CDKAL1: variants seen among roughly 807,000 people sequenced by gnomAD.
CDKAL1 encodes CDKAL1 threonylcarbamoyladenosine tRNA methylthiotransferase.
A neutral mutation model predicts 68.2 loss-of-function variants in CDKAL1; 32 were observed. The observed-to-expected ratio is 0.47, with a 90% CI of 0.35 to 0.63. The LOEUF is 0.63. Ranked by LOEUF, CDKAL1 falls within the 30% of genes least tolerant of loss-of-function variation. The probability of loss-of-function intolerance (pLI) is 0.00; values close to 1 mark genes in which losing one functional copy is unlikely to be tolerated. For missense variants in CDKAL1, 606 were observed against 696.7 expected, an observed-to-expected ratio of 0.87 and a Z score of 1.47; for synonymous variants, 234 against 244.3, an observed-to-expected ratio of 0.96 and a Z score of 0.39.
At chr6:20,975,875 G>A (rs1489791166) in intron 10 of CDKAL1, among the ~76,000 whole-genome samples, 1 of 152,074 alleles carries the variant, frequency 6.6e-6, no homozygotes, top group Non-Finnish European at 1.5e-5. Context: ...CTCTTACTAG[G>A]TTATTATCAC....
At chr6:21,168,907 G>A (rs1039568740) in intron 13 of CDKAL1, among the ~76,000 whole-genome samples, 5 of 150,814 alleles carry the variant, frequency 3.3e-5, no homozygotes, top group East Asian at 1.9e-4. Flanking sequence ...ATCCTTCTTC[G>A]CCAAAACATA....
At chr6:21,215,599 G>A (rs1049468179) in intron 15 of CDKAL1, among the ~76,000 whole-genome samples, 3 of 152,172 alleles carry the variant, frequency 2.0e-5, no homozygotes, top group Non-Finnish European at 1.5e-5. Flanking sequence ...TAGGTAGTGA[G>A]TTGTAGAGCT....
At chr6:20,872,572 A>G (rs72832387) in intron 9 of CDKAL1, among the ~76,000 whole-genome samples, 30,509 of 152,162 alleles carry the variant, frequency 0.2, 3,197 homozygotes, top group East Asian at 0.34. Context: ...GGGCATGCAT[A>G]TTTCAGTCAG....
intron 5 of CDKAL1, among the ~76,000 whole-genome samples, chr6:20,721,647 C>T (rs184112705): frequency 6.6e-5 from 10 of 151,394 alleles, no homozygotes; most frequent in Non-Finnish European, 1.0e-4. Context: ...ATACTATTTT[C>T]CATAGTGTCT....
intron 5 of CDKAL1, among the ~76,000 whole-genome samples, chr6:20,699,309 C>A (rs1771240762): frequency 6.6e-6 from 1 of 151,696 alleles, no homozygotes; most frequent in Non-Finnish European, 1.5e-5. Context: ...AAGAAAATTT[C>A]TTTTGGGGAT....
intron 8 of CDKAL1, among the ~76,000 whole-genome samples, chr6:20,834,026 C>CT (rs1777829268): frequency 6.6e-6 from 1 of 152,198 alleles, no homozygotes; most frequent in African/African-American, 2.4e-5. Flanking sequence ...CCCAGAGCAT[C>CT]TGATGCGTTC....
chr6:20,581,561 A>C (rs960564819), intron 4 of CDKAL1, among the ~76,000 whole-genome samples: 1 of 152,168 alleles, frequency 6.6e-6, no homozygotes, highest in East Asian at 1.9e-4. Flanking sequence ...ATTAACTTTC[A>C]CTTTTAATGC....
chr6:20,877,498 G>A (rs1056714458), intron 9 of CDKAL1, among the ~76,000 whole-genome samples: 35 of 152,160 alleles, frequency 2.3e-4, no homozygotes, highest in African/African-American at 7.0e-4. Flanking sequence ...CATTATGCGG[G>A]CCAGTCTGAG....
At chr6:20,994,726 G>C (rs879420204) in intron 10 of CDKAL1, among the ~76,000 whole-genome samples, 1 of 152,126 alleles carries the variant, frequency 6.6e-6, no homozygotes, top group Non-Finnish European at 1.5e-5. Context: ...TTATAGTCTA[G>C]TAAGTATACA....
intron 6 of CDKAL1, among the ~76,000 whole-genome samples, chr6:20,741,703 T>G (rs1176077333): frequency 6.6e-6 from 1 of 152,188 alleles, no homozygotes; most frequent in Non-Finnish European, 1.5e-5. Flanking sequence ...CCACATTTTC[T>G]TTATCCGATA....
rs191532122 is a variant in CDKAL1 at position 21,029,425 on chromosome 6, A to G, written c.1055+29053A>G. On this transcript the variant is annotated intron_variant, in intron 11 of 15. Transcript: ENST00000274695. ...GAGAGAAAAGGGAAACAAGATGAAA[A>G]TAAAAGTAGAGAGAGAGACTTGGGA... Among the ~76,000 whole-genome samples the G allele has an allele frequency of 9.5e-4, 144 of 152,254 alleles. 1 individual carries two copies. The highest frequency in any genetic ancestry group is 3.1e-3 in the African/African-American group (130 of 41,552).
intron 12 of CDKAL1, among the ~76,000 whole-genome samples, chr6:21,095,227 A>G (rs1482181086): frequency 1.3e-5 from 2 of 152,200 alleles, no homozygotes; most frequent in African/African-American, 4.8e-5. Context: ...TGATGGGTGC[A>G]GGGCCTCTCT....
chr6:20,884,635 T>C (rs1479907377), intron 9 of CDKAL1, among the ~76,000 whole-genome samples: 1 of 152,212 alleles, frequency 6.6e-6, no homozygotes, highest in Non-Finnish European at 1.5e-5. Context: ...CTACTAGAAC[T>C]ATGAAATGAA....
At chr6:20,895,610 C>G (rs1212178860) in intron 9 of CDKAL1, among the ~76,000 whole-genome samples, 1 of 152,170 alleles carries the variant, frequency 6.6e-6, no homozygotes, top group Admixed American at 6.5e-5. Flanking sequence ...TTCTTATCAT[C>G]ATCATGTTGA....
At chr6:20,734,817 C>G (rs967377624) in intron 5 of CDKAL1, among the ~76,000 whole-genome samples, 3 of 151,702 alleles carry the variant, frequency 2.0e-5, no homozygotes, top group African/African-American at 7.3e-5. Context: ...ATACACCTGC[C>G]TAGGCCTCCC....
At chr6:21,085,875 C>T (rs994223722) in intron 12 of CDKAL1, among the ~76,000 whole-genome samples, 1 of 152,122 alleles carries the variant, frequency 6.6e-6, no homozygotes, top group African/African-American at 2.4e-5. Flanking sequence ...CTAATTGCAT[C>T]AGAGTGGAGA....
intron 12 of CDKAL1, among the ~76,000 whole-genome samples, chr6:21,103,285 C>T (rs1328255406): frequency 3.3e-5 from 5 of 152,080 alleles, no homozygotes; most frequent in South Asian, 2.1e-4. Flanking sequence ...TTATTACATG[C>T]GGGGCCTCTT....
chr6:20,938,498 CACTTCTATGT>C (rs1184095337), intron 9 of CDKAL1, among the ~76,000 whole-genome samples: 1 of 152,134 alleles, frequency 6.6e-6, no homozygotes, highest in Non-Finnish European at 1.5e-5. Context: ...ATAGCCAGTG[CACTTCTATGT>C]AGACTGATGG....
At chr6:21,061,077 T>G (rs898575688) in intron 11 of CDKAL1, among the ~76,000 whole-genome samples, 3 of 152,188 alleles carry the variant, frequency 2.0e-5, no homozygotes, top group African/African-American at 7.2e-5. Context: ...GTTTGTATTT[T>G]TATTCAAGGT....
Sources: gnomAD v4.1 joint callset for allele counts (sites outside exome capture counted in the v4.1 genomes callset) on GRCh38, gnomAD v4.1.1 for gene constraint, MANE v1.5 for transcripts, NCBI Gene and HGNC (gene_info 2026-07-23, HGNC 2026-07-21) for gene names.